RP1: variants seen among roughly 807,000 people sequenced by gnomAD.
RP1 encodes the protein oxygen-regulated protein 1.
RP1 carries 16 observed loss-of-function variants against 14.8 expected under a neutral mutation model. The observed-to-expected ratio is 1.08, with a 90% CI of 0.73 to 1.65. The LOEUF is 1.65. Among genes scored for constraint, RP1 ranks in the 40% most tolerant of loss-of-function variants. RP1 has a pLI of 0.00. For synonymous variants in RP1, 876 were observed against 883.6 expected, an observed-to-expected ratio of 0.99 and a Z score of 0.15; for missense variants, 2,631 against 2,535.0, an observed-to-expected ratio of 1.04 and a Z score of -0.81.
intron 1 of RP1, among the ~76,000 whole-genome samples, chr8:54,603,689 T>C (rs927811959): frequency 6.6e-6 from 1 of 152,202 alleles, no homozygotes; most frequent in Non-Finnish European, 1.5e-5. Context: ...GTTCTTCCAT[T>C]TGTTTGTATC....
upstream of RP1, among the ~76,000 whole-genome samples, chr8:54,614,337 G>C (rs1805663467): frequency 6.6e-6 from 1 of 152,182 alleles, no homozygotes. Context: ...CATTCTCAGG[G>C]AAGAAGCCTA....
At position 54,625,180 on chromosome 8, in the gene RP1, A is replaced by ATATCATCC; in HGVS notation, c.1299_1306dup (p.Gln436LeufsTer22). ...TGGGAGAATGCTACTGTGGACACAG[A>ATATCATCC]TATCATCCAGGGAACTCAAGACCAA... On this transcript the variant is annotated frameshift_variant, in exon 4 of 4. Transcript: ENST00000220676. LOFTEE classifies it low-confidence loss of function (END_TRUNC). 1 of 1,614,178 alleles carries ATATCATCC rather than the reference A, an allele frequency of 6.2e-7. No homozygotes were observed. Among genetic ancestry groups the ATATCATCC allele is most frequent in the Non-Finnish European group, 8.5e-7 (1 of 1,180,028 alleles).
Position 54,623,219 on chromosome 8 carries a change from C to G in RP1, c.787+931C>G, listed in dbSNP as rs546320873. ...TTATAAATATGGTAGTGCTATTTCA[C>G]GTTTGTCATTTTACTAAAATGATTT... On this transcript the variant is annotated intron_variant, in intron 3 of 3. Coordinates refer to ENST00000220676, the MANE Select transcript of RP1 (RefSeq NM_006269.2). Among the ~76,000 whole-genome samples, 3 of 151,996 alleles carry G rather than the reference C, an allele frequency of 2.0e-5. No individual in the cohort carries two copies. In the South Asian group the frequency reaches 6.2e-4, roughly 32 times the overall value.
chr8:54,678,544 G>A, intron 9 of RP1: 1 of 1,531,456 alleles, frequency 6.5e-7, no homozygotes, highest in Non-Finnish European at 8.7e-7. Context: ...CAGGTTTGTA[G>A]GTGTACTTTT....
At chr8:54,605,873 T>C (rs1423389929) in intron 1 of RP1, among the ~76,000 whole-genome samples, 5 of 152,042 alleles carry the variant, frequency 3.3e-5, no homozygotes, top group African/African-American at 1.2e-4. Context: ...CCTGCCTTTT[T>C]TGGTTTTCCA....
rs139407114 is a variant in RP1, at chr8:54,837,256, G to T, written c.3616-194G>T. 2.6e-3 allele frequency among the ~76,000 whole-genome samples: 401 copies of T among 152,288 alleles called. 1 individual carries two copies. The highest frequency in any genetic ancestry group is 9.2e-3 in the African/African-American group (384 of 41,556). ...AAAACTAGCTGGATTTAATTTATTGGTTTTTCCATGGTCAATGGATACATG... is the reference window on the plus strand; with the variant it reads ...AAAACTAGCTGGATTTAATTTATTGTTTTTTCCATGGTCAATGGATACATG... On this transcript the variant is annotated intron_variant, in intron 24 of 28. Transcript: ENST00000637698.
At position 54,628,999 on chromosome 8, in the gene RP1, T is replaced by C. The variant is rs1329756789; in HGVS notation, c.5117T>C (p.Val1706Ala). The C allele has an allele frequency of 6.2e-7, 1 of 1,614,102 alleles. No homozygotes were observed. The highest frequency in any genetic ancestry group is 8.5e-7 in the Non-Finnish European group (1 of 1,179,972). Reference sequence around the variant, plus strand: ...GAGGAAAGACAAGATAAGTGTGATGTTAGTGCTGTGAGGGACAATTATTGT... The same window carrying C: ...GAGGAAAGACAAGATAAGTGTGATGCTAGTGCTGTGAGGGACAATTATTGT... ...FQEERQDKCD[V>A]SAVRDNYCRG... Residue 1706 changes from valine (V) to alanine (A), a missense_variant, in exon 4 of 4, where the codon GTT becomes GCT. Coordinates refer to ENST00000220676, the MANE Select transcript of RP1 (RefSeq NM_006269.2).
intron 1 of RP1, among the ~76,000 whole-genome samples, chr8:54,600,432 C>A (rs1476257852): frequency 1.3e-5 from 2 of 152,160 alleles, no homozygotes; most frequent in East Asian, 3.9e-4. Flanking sequence ...ATTTACCCTG[C>A]AGAGTGGCGG....
At chr8:54,771,532 A>C (rs1370687776), downstream of RP1, among the ~76,000 whole-genome samples, 2 of 152,066 alleles carry the variant, frequency 1.3e-5, no homozygotes, top group East Asian at 3.8e-4. Flanking sequence ...AAATTTGATT[A>C]AATTAAGCTA....
At chr8:54,681,482 TTG>T (rs3049538) in intron 12 of RP1, among the ~76,000 whole-genome samples, 21,145 of 141,494 alleles carry the variant, frequency 0.15, 1,550 homozygotes, top group South Asian at 0.25. Flanking sequence ...ATTTTTTGAT[TTG>T]TGTGTGTGTG....
At chr8:54,807,451 A>G (rs1389058358) in intron 24 of RP1, among the ~76,000 whole-genome samples, 1 of 152,114 alleles carries the variant, frequency 6.6e-6, no homozygotes. Context: ...TTTTGACCAC[A>G]TATGTGTAAA....
chr8:54,853,691 G>C (rs1338369933), intron 26 of RP1, among the ~76,000 whole-genome samples: 1 of 147,826 alleles, frequency 6.8e-6, no homozygotes, highest in Non-Finnish European at 1.5e-5. Context: ...TAGGAGAATT[G>C]CTTGAGCCTA....
chr8:54,614,468 C>A (rs974419464), upstream of RP1, among the ~76,000 whole-genome samples: 1 of 152,070 alleles, frequency 6.6e-6, no homozygotes, highest in African/African-American at 2.4e-5. Flanking sequence ...CCACCCCAGG[C>A]CTACTGAGTC....
rs574071668 is a variant in RP1, at chr8:54,795,545, G to T, written c.3615+11835G>T. Among the ~76,000 whole-genome samples the T allele has an allele frequency of 5.3e-5, 8 of 152,156 alleles. No homozygotes were observed. The East Asian group carries it at 1.5e-3, about 29-fold the overall frequency. ...GAGGACAACTGAAAGAATATGGCAT[G>T]GCCTACTCCTTAAGAAGCCAAAAAC... On this transcript the variant is annotated intron_variant, in intron 24 of 28. Coordinates refer to the RP1 transcript ENST00000637698.
intron 7 of RP1, among the ~76,000 whole-genome samples, chr8:54,673,328 C>T (rs1370271370): frequency 2.0e-5 from 3 of 152,062 alleles, no homozygotes; most frequent in Admixed American, 6.6e-5. Flanking sequence ...AAACCTATAG[C>T]GTTATCTTTG....
intron 23 of RP1, among the ~76,000 whole-genome samples, chr8:54,778,083 A>G (rs1810086050): frequency 6.6e-6 from 1 of 152,124 alleles, no homozygotes; most frequent in Non-Finnish European, 1.5e-5. Context: ...TAAATCACCC[A>G]TTCGTTTTTT....
intron 1 of RP1, among the ~76,000 whole-genome samples, chr8:54,575,609 A>C (rs188409865): frequency 1.6e-3 from 237 of 152,310 alleles, no homozygotes; most frequent in Non-Finnish European, 2.7e-3. Context: ...CTCGTTTGCT[A>C]TCAAATAGTA....
intron 19 of RP1, among the ~76,000 whole-genome samples, chr8:54,740,492 G>A (rs1195075826): frequency 6.6e-6 from 1 of 151,154 alleles, no homozygotes; most frequent in Non-Finnish European, 1.5e-5. Context: ...GGGAGGCCAA[G>A]GTGGGTGGAT....
intron 23 of RP1, among the ~76,000 whole-genome samples, chr8:54,776,144 T>C (rs146215523): frequency 5.1e-4 from 78 of 152,342 alleles, no homozygotes; most frequent in Middle Eastern, 3.4e-3. Context: ...TTAATGTATA[T>C]GGGAGGATGT....
Sources: gnomAD v4.1 joint callset for allele counts (sites outside exome capture counted in the v4.1 genomes callset) on GRCh38, gnomAD v4.1.1 for gene constraint, MANE v1.5 for transcripts, NCBI Gene and HGNC (gene_info 2026-07-23, HGNC 2026-07-21) for gene names.